Variants in CCR6 observed in about 807,000 individuals in gnomAD.
CCR6 encodes the protein C-C chemokine receptor type 6.
Under a neutral mutation model 3.0 loss-of-function variants are expected in CCR6, and 2 were observed. That is an observed-to-expected ratio of 0.66 (90% CI 0.27 to 2.07). CCR6 has a LOEUF of 2.07. Among genes scored for constraint, CCR6 ranks in the 30% most tolerant of loss-of-function variants. CCR6 has a pLI of 0.14. For missense variants in CCR6, 322 were observed against 462.8 expected (o/e 0.70, Z 2.79); for synonymous variants, 193 against 184.3 (o/e 1.05, Z -0.38).
intron 1 of CCR6, among the ~76,000 whole-genome samples, chr6:167,117,420 T>TC (rs1297877568): frequency 2.1e-5 from 3 of 140,626 alleles, no homozygotes; most frequent in African/African-American, 7.9e-5. Context: ...TTTTTCTTTT[T>TC]TTTTTTTTTT....
At chr6:167,131,713 C>T (rs1302017976) in intron 1 of CCR6, 1 of 152,598 alleles carries the variant, frequency 6.6e-6, no homozygotes, top group Non-Finnish European at 1.5e-5. Flanking sequence ...TCTTCTTGCC[C>T]CAGAACCTCC....
chr6:167,128,643 C>G (rs1258550448), intron 1 of CCR6, among the ~76,000 whole-genome samples: 1 of 152,214 alleles, frequency 6.6e-6, no homozygotes, highest in African/African-American at 2.4e-5. Context: ...ACAATCTCAG[C>G]TCTCTGCAAA....
At chr6:167,128,302 G>A (rs1476738868) in intron 1 of CCR6, among the ~76,000 whole-genome samples, 1 of 152,254 alleles carries the variant, frequency 6.6e-6, no homozygotes, top group African/African-American at 2.4e-5. Context: ...AGCGTGACAT[G>A]GGGCCATGAT....
chr6:167,124,155 A>G (rs1475098839), intron 1 of CCR6, among the ~76,000 whole-genome samples: 1 of 152,186 alleles, frequency 6.6e-6, no homozygotes, highest in African/African-American at 2.4e-5. Flanking sequence ...ATAAAGAAAA[A>G]CAAAAATGCA....
chr6:167,128,779 G>T (rs1781710073), intron 1 of CCR6, among the ~76,000 whole-genome samples: 1 of 152,094 alleles, frequency 6.6e-6, no homozygotes, highest in Non-Finnish European at 1.5e-5. Flanking sequence ...TCACCATGTT[G>T]GCCATGCTGG....
intron 1 of CCR6, chr6:167,129,551 C>A (rs895670109): frequency 6.6e-6 from 1 of 152,144 alleles, no homozygotes; most frequent in South Asian, 2.1e-4. Context: ...AGGCACCATT[C>A]GCTGGAGTCA....
intron 1 of CCR6, among the ~76,000 whole-genome samples, chr6:167,134,649 T>G (rs916619651): frequency 1.3e-5 from 2 of 152,128 alleles, no homozygotes; most frequent in Non-Finnish European, 2.9e-5. Context: ...TGACACAGTG[T>G]GGGGGCGAGG....
At chr6:167,122,276 C>G (rs761531416), upstream of CCR6, among the ~76,000 whole-genome samples, 2 of 152,208 alleles carry the variant, frequency 1.3e-5, no homozygotes, top group African/African-American at 4.8e-5. The surrounding 1 kb of genome is among the most constrained non-coding windows in gnomAD (Gnocchi z 4.2). Context: ...TTTCCTGAGA[C>G]GTGGTTCACA....
At chr6:167,122,464 T>A (rs988563592), upstream of CCR6, among the ~76,000 whole-genome samples, 19 of 152,206 alleles carry the variant, frequency 1.2e-4, no homozygotes, top group African/African-American at 4.1e-4. This position sits in a 1 kb window ranked among gnomAD's most constrained non-coding sequence, Gnocchi z 4.2. Context: ...ACATGAAGAT[T>A]AGGTGCCCGC....
At position 167,137,144 on chromosome 6, in the gene CCR6, C is replaced by T; in HGVS notation, c.914C>T (p.Ala305Val). The T allele has an allele frequency of 6.2e-7, 1 of 1,614,152 alleles. No homozygotes were observed. The highest frequency in any genetic ancestry group is 8.5e-7 in the Non-Finnish European group (1 of 1,180,020). Residue 305 changes from alanine to valine, a missense_variant, in exon 3 of 3, where the codon GCT (alanine) becomes GTT (valine). By Grantham distance (64) the Ala-to-Val change is moderately conservative. Coordinates refer to ENST00000341935, the MANE Select transcript of CCR6 (RefSeq NM_031409.4). This position sits in a 1 kb window ranked among gnomAD's most constrained non-coding sequence, Gnocchi z 4.6. ...ACGAAAACTGTCACAGAAGTCCTGG[C>T]TTTCCTGCACTGCTGCCTGAACCCT... The part of the protein sequence containing the change: ...GYTKTVTEVL[A>V]FLHCCLNPVL...
chr6:167,117,563 C>T (rs968399004), intron 1 of CCR6, among the ~76,000 whole-genome samples: 16 of 151,446 alleles, frequency 1.1e-4, no homozygotes, highest in Non-Finnish European at 1.9e-4. Flanking sequence ...ACTACAGGCG[C>T]GCGCCACCAC....
intron 1 of CCR6, chr6:167,129,351 C>T (rs1781717506): frequency 6.6e-6 from 1 of 152,344 alleles, no homozygotes. Context: ...TGAGTGTTAC[C>T]AAACCCACGC....
chr6:167,130,882 T>C (rs1562559465), intron 1 of CCR6, among the ~76,000 whole-genome samples: 1 of 141,952 alleles, frequency 7.0e-6, no homozygotes, highest in Non-Finnish European at 1.5e-5. Flanking sequence ...CTTCCTGCCC[T>C]GTGGCCTGTG....
chr6:167,129,509 C>T (rs1781720060), intron 1 of CCR6: 1 of 152,222 alleles, frequency 6.6e-6, no homozygotes, highest in Non-Finnish European at 1.5e-5. Flanking sequence ...TTTTGAGCTT[C>T]CTTACACCAG....
chr6:167,119,913 C>T (rs1459426858), upstream of CCR6, among the ~76,000 whole-genome samples: 3 of 152,226 alleles, frequency 2.0e-5, no homozygotes, highest in Admixed American at 1.3e-4. Flanking sequence ...CCTGTCCCTC[C>T]ACTCTCAGCA....
chr6:167,138,786 A>G lies in CCR6; in HGVS notation c.*1431A>G, dbSNP rs1781889150. The G allele has an allele frequency of 6.6e-6, 1 of 152,192 alleles. No individual in the cohort carries two copies. The highest frequency in any genetic ancestry group is 1.5e-5 in the Non-Finnish European group (1 of 68,036). 9.4% of individuals were successfully genotyped at this position (152,192 alleles called of 1,614,324 possible). Reference sequence around the variant, plus strand: ...TCTACTAAAAATACAAAAATTTGCCAGGCGTGGTGGCGGGTGCCTGTAATC... The same window carrying G: ...TCTACTAAAAATACAAAAATTTGCCGGGCGTGGTGGCGGGTGCCTGTAATC... On this transcript the variant is annotated 3_prime_UTR_variant, in exon 3 of 3. Transcript: ENST00000341935.
chr6:167,113,850 A>T (rs760622104), intron 1 of CCR6, among the ~76,000 whole-genome samples: 1 of 152,240 alleles, frequency 6.6e-6, no homozygotes, highest in Admixed American at 6.5e-5. Flanking sequence ...TCTAGGCAAG[A>T]CATGCATTCC....
rs368305564 is a variant in CCR6 at position 167,137,382 on chromosome 6, G to A, written c.*27G>A. 1.6e-5 allele frequency: 25 copies of A among 1,577,340 alleles called. No homozygotes were observed. In the Middle Eastern group the frequency reaches 8.7e-4, roughly 55 times the overall value. ...AGAAAGCTGAGTCTCCCTAAGGCAT[G>A]TGTGAAACATACTCATAGATGTTAT... is the stretch of plus-strand genomic sequence containing the variant. On this transcript the variant is annotated 3_prime_UTR_variant, in exon 3 of 3. Transcript: ENST00000341935. The surrounding 1 kb of genome is among the most constrained non-coding windows in gnomAD (Gnocchi z 4.6).
Position 167,117,419 on chromosome 6 carries a change from T to TC in CCR6, c.-98+5405_-98+5406insC, listed in dbSNP as rs1242006106. On this transcript the variant is annotated intron_variant, in intron 1 of 2. Transcript: ENST00000400926. ...CTCTATTTTCTTTTTTTTTTTCTTTTTTTTTTTTTTTTTTTGAGACGGAGT... is the reference window on the plus strand; with the variant it reads ...CTCTATTTTCTTTTTTTTTTTCTTTTCTTTTTTTTTTTTTTTGAGACGGAGT... Among the ~76,000 whole-genome samples the TC allele has an allele frequency of 6.4e-5, 9 of 139,966 alleles. 1 individual carries two copies. Among genetic ancestry groups the TC allele is most frequent in the African/African-American group, 1.9e-4 (7 of 37,534 alleles). The allele number at this position is 139,966 out of a possible 152,430, so 91.8% of individuals were successfully genotyped here. A position where few individuals can be genotyped will look rare whatever the true frequency, so the allele number is the denominator to read the frequency against.
Sources: allele counts gnomAD v4.1 joint callset (sites outside exome capture counted in the v4.1 genomes callset), GRCh38; gene constraint gnomAD v4.1.1; non-coding constraint Gnocchi (gnomAD v3.1); transcripts MANE v1.5; gene names NCBI Gene and HGNC (gene_info 2026-07-23, HGNC 2026-07-21).